The following KIF16B variants were observed in gnomAD, a reference collection of about 807,000 sequenced individuals.
The protein encoded by KIF16B is kinesin family member 16B.
A neutral mutation model predicts 156.3 loss-of-function variants in KIF16B; 98 were observed. That is an observed-to-expected ratio of 0.63 (90% CI 0.53 to 0.74). KIF16B has a LOEUF of 0.74. KIF16B is among the 30% of genes least tolerant of loss of function. The pLI, the probability that KIF16B is intolerant of heterozygous loss-of-function variation, is 0.00. For synonymous variants in KIF16B, 564 were observed against 583.7 expected, an observed-to-expected ratio of 0.97 and a Z score of 0.49; for missense variants, 1,421 against 1,606.5, an observed-to-expected ratio of 0.88 and a Z score of 1.97.
At position 16,528,393 on chromosome 20, in the gene KIF16B, T is replaced by C; in HGVS notation, c.95A>G (p.Lys32Arg). Residue 32 changes from lysine (K) to arginine (R), a missense_variant, in exon 2 of 26, where the codon AAA becomes AGA. By Grantham distance (26) the Lys-to-Arg change is conservative (BLOSUM62 2). Coordinates refer to ENST00000354981, the MANE Select transcript of KIF16B (RefSeq NM_024704.5). ...AKFIIQMEKSKTTITNLKIPE... is the reference protein window; with the variant it reads ...AKFIIQMEKSRTTITNLKIPE... ...TGCCTTTAAGTTTGTGATTGTCGTT[T>C]TGCTTTTCTCCATCTGAATAATGAA... is the stretch of plus-strand genomic sequence containing the variant. The C allele has an allele frequency of 6.2e-7, 1 of 1,614,104 alleles. No individual in the cohort carries two copies. The highest frequency in any genetic ancestry group is 1.7e-4 in the Middle Eastern group (1 of 6,060).
intron 15 of KIF16B, among the ~76,000 whole-genome samples, chr20:16,414,963 G>C (rs374135780): frequency 2.0e-5 from 3 of 152,186 alleles, no homozygotes; most frequent in African/African-American, 7.2e-5. Flanking sequence ...CCAGTGTTCT[G>C]AGCATATTTA....
chr20:16,287,629 T>C (rs948872098), intron 25 of KIF16B, among the ~76,000 whole-genome samples: 2 of 152,254 alleles, frequency 1.3e-5, no homozygotes, highest in Admixed American at 6.5e-5. Context: ...TTAAAACTTT[T>C]ATAGGAAATG....
intron 23 of KIF16B, among the ~76,000 whole-genome samples, chr20:16,340,758 C>A (rs1374875539): frequency 6.6e-6 from 1 of 152,152 alleles, no homozygotes; most frequent in Non-Finnish European, 1.5e-5. Flanking sequence ...GTACTTCGAA[C>A]CTGCCTCACA....
chr20:16,558,005 A>G (rs1335578602), intron 1 of KIF16B, among the ~76,000 whole-genome samples: 2 of 152,230 alleles, frequency 1.3e-5, no homozygotes, highest in African/African-American at 4.8e-5. Context: ...TAAGTGCTGT[A>G]AACGAGGAAA....
intron 24 of KIF16B, among the ~76,000 whole-genome samples, chr20:16,315,950 A>G (rs556833582): frequency 2.2e-4 from 33 of 152,208 alleles, no homozygotes; most frequent in Admixed American, 3.9e-4. Flanking sequence ...TAGGAAAAAC[A>G]TGCCCCCATT....
chr20:16,454,304 GCTC>G (rs894532210), intron 12 of KIF16B, among the ~76,000 whole-genome samples: 3 of 150,466 alleles, frequency 2.0e-5, no homozygotes, highest in Non-Finnish European at 3.0e-5. Flanking sequence ...AATTAAAATG[GCTC>G]CTACTATAGC....
intron 22 of KIF16B, chr20:16,368,307 C>A: frequency 1.0e-6 from 1 of 994,878 alleles, no homozygotes; most frequent in South Asian, 4.5e-5. Flanking sequence ...CCCGGTAAGG[C>A]GCCGCACCCT....
chr20:16,274,075 T>TA (rs56847164), intron 25 of KIF16B, among the ~76,000 whole-genome samples: 11,270 of 118,570 alleles, frequency 0.095, 468 homozygotes, highest in African/African-American at 0.13. Flanking sequence ...GAAAGATGAT[T>TA]AAAAAAAAAA....
intron 24 of KIF16B, among the ~76,000 whole-genome samples, chr20:16,322,364 T>C (rs1453138797): frequency 1.3e-5 from 2 of 152,032 alleles, no homozygotes; most frequent in East Asian, 3.8e-4. Context: ...CATTTTTGGT[T>C]GAAAAATAGA....
intron 25 of KIF16B, among the ~76,000 whole-genome samples, chr20:16,279,503 T>C (rs1396730454): frequency 1.3e-5 from 2 of 152,178 alleles, no homozygotes; most frequent in African/African-American, 4.8e-5. Flanking sequence ...TAACTAACAA[T>C]AATCTCACAG....
At chr20:16,283,795 G>C (rs2063182488) in intron 25 of KIF16B, among the ~76,000 whole-genome samples, 1 of 152,168 alleles carries the variant, frequency 6.6e-6, no homozygotes, top group Non-Finnish European at 1.5e-5. Context: ...GTGTTAAAAA[G>C]GCTGGGCTCC....
intron 25 of KIF16B, among the ~76,000 whole-genome samples, chr20:16,298,700 A>G (rs2063427248): frequency 2.6e-5 from 4 of 152,194 alleles, no homozygotes; most frequent in Admixed American, 2.6e-4. Flanking sequence ...CTTCCTGTAC[A>G]ATGCAATTAG....
chr20:16,521,146 A>G (rs1207104547), intron 3 of KIF16B, among the ~76,000 whole-genome samples: 6 of 152,252 alleles, frequency 3.9e-5, no homozygotes, highest in African/African-American at 1.4e-4. Flanking sequence ...CAGCAAGGGA[A>G]CAAAACTGGA....
At chr20:16,467,817 G>A (rs562872826) in intron 12 of KIF16B, among the ~76,000 whole-genome samples, 2 of 151,998 alleles carry the variant, frequency 1.3e-5, no homozygotes, top group South Asian at 2.1e-4. Context: ...AATAAGTGAA[G>A]ATAAAATTTT....
chr20:16,490,061 A>G (rs1221302118), intron 12 of KIF16B, among the ~76,000 whole-genome samples: 1 of 152,198 alleles, frequency 6.6e-6, no homozygotes, highest in Non-Finnish European at 1.5e-5. Flanking sequence ...CCACTAGGTC[A>G]TCAGATTTGT....
At chr20:16,530,803 G>A (rs1047518882) in intron 1 of KIF16B, among the ~76,000 whole-genome samples, 6 of 152,096 alleles carry the variant, frequency 3.9e-5, no homozygotes, top group African/African-American at 1.4e-4. Flanking sequence ...CTAGGCTCAA[G>A]CGATTATCCT....
chr20:16,426,569 G>A (rs1057500101), intron 15 of KIF16B, among the ~76,000 whole-genome samples: 1 of 152,140 alleles, frequency 6.6e-6, no homozygotes, highest in Non-Finnish European at 1.5e-5. Context: ...GTAGATGTCA[G>A]TGTTTAAAGG....
chr20:16,350,373 C>T (rs1310515979), intron 23 of KIF16B, among the ~76,000 whole-genome samples: 1 of 151,984 alleles, frequency 6.6e-6, no homozygotes, highest in African/African-American at 2.4e-5. Context: ...TGGAGGGTGC[C>T]CGGCAGCCAG....
chr20:16,398,606 G>GA (rs2065572254), intron 17 of KIF16B, among the ~76,000 whole-genome samples: 1 of 151,868 alleles, frequency 6.6e-6, no homozygotes, highest in Non-Finnish European at 1.5e-5. Context: ...TCCATTTAAG[G>GA]AAAAAAAATC....
Sources: gnomAD v4.1 joint callset for allele counts (sites outside exome capture counted in the v4.1 genomes callset) on GRCh38, gnomAD v4.1.1 for gene constraint, MANE v1.5 for transcripts, NCBI Gene and HGNC (gene_info 2026-07-23, HGNC 2026-07-21) for gene names.